TTC39B: variants seen among roughly 807,000 people sequenced by gnomAD.
The protein encoded by TTC39B is tetratricopeptide repeat domain 39B, also known as tetratricopeptide repeat protein 39B.
TTC39B carries 92 observed loss-of-function variants against 96.6 expected under a neutral mutation model. The ratio of observed to expected loss-of-function variants is 0.95; its 90% CI spans 0.80 to 1.13. TTC39B has a LOEUF of 1.13. TTC39B is among the 50% of genes most tolerant of loss of function. TTC39B has a pLI of 0.00. For missense variants in TTC39B, 955 were observed against 809.3 expected (o/e 1.18, Z -2.18); for synonymous variants, 367 against 299.4 (o/e 1.23, Z -2.33).
intron 6 of TTC39B, among the ~76,000 whole-genome samples, chr9:15,208,160 G>A (rs1819984905): frequency 6.6e-6 from 1 of 151,388 alleles, no homozygotes; most frequent in African/African-American, 2.4e-5. Flanking sequence ...GAGAAGCTGG[G>A]ACTATAGGTG....
intron 2 of TTC39B, among the ~76,000 whole-genome samples, chr9:15,265,077 T>C (rs1219282446): frequency 6.6e-6 from 1 of 152,200 alleles, no homozygotes; most frequent in East Asian, 1.9e-4. Flanking sequence ...ACCTAACAAA[T>C]GGTGCTGGAA....
intron 6 of TTC39B, among the ~76,000 whole-genome samples, chr9:15,204,980 T>A (rs991816504): frequency 3.9e-5 from 6 of 152,304 alleles, no homozygotes; most frequent in African/African-American, 1.4e-4. Flanking sequence ...TCTTGCTCTA[T>A]CCATGGGATG....
At chr9:15,182,065 A>T (rs956653084) in intron 17 of TTC39B, among the ~76,000 whole-genome samples, 7 of 152,194 alleles carry the variant, frequency 4.6e-5, no homozygotes, top group Non-Finnish European at 1.0e-4. Context: ...ATCATATAAT[A>T]TGTGGTCTTT....
intron 2 of TTC39B, among the ~76,000 whole-genome samples, chr9:15,257,871 C>G (rs1193649074): frequency 1.3e-5 from 2 of 151,972 alleles, no homozygotes; most frequent in Non-Finnish European, 2.9e-5. Context: ...ACCAGCCTGA[C>G]TAACATGGAG....
At chr9:15,195,670 C>CAA (rs35318510) in intron 8 of TTC39B, among the ~76,000 whole-genome samples, 4,377 of 63,794 alleles carry the variant, frequency 0.069, 129 homozygotes, top group Non-Finnish European at 0.089. Flanking sequence ...ACTCCATCTC[C>CAA]AAAAAAAAAA....
At chr9:15,293,926 T>C (rs2131607479) in intron 1 of TTC39B, among the ~76,000 whole-genome samples, 1 of 152,308 alleles carries the variant, frequency 6.6e-6, no homozygotes, top group East Asian at 1.9e-4. Flanking sequence ...ACTTCCGTTT[T>C]CTGCACGTCA....
intron 1 of TTC39B, among the ~76,000 whole-genome samples, chr9:15,289,613 C>T (rs1393301170): frequency 6.6e-6 from 1 of 152,192 alleles, no homozygotes; most frequent in Non-Finnish European, 1.5e-5. Flanking sequence ...CTCTCTCGCA[C>T]ATGTCTTGCT....
chr9:15,222,565 C>T (rs983383575), intron 3 of TTC39B, among the ~76,000 whole-genome samples: 1 of 152,176 alleles, frequency 6.6e-6, no homozygotes, highest in Non-Finnish European at 1.5e-5. Flanking sequence ...TTGGACAACT[C>T]ATCCCACTAA....
intron 17 of TTC39B, among the ~76,000 whole-genome samples, chr9:15,178,227 A>G (rs1818063433): frequency 6.6e-6 from 1 of 152,110 alleles, no homozygotes; most frequent in Non-Finnish European, 1.5e-5. Context: ...CAAATAAGGA[A>G]AACTTTTTAG....
chr9:15,187,282 G>C (rs1015487387), intron 14 of TTC39B, among the ~76,000 whole-genome samples: 1 of 152,088 alleles, frequency 6.6e-6, no homozygotes, highest in East Asian at 1.9e-4. Flanking sequence ...GAATGAACAA[G>C]AAAAAATTAT....
At chr9:15,277,100 G>C (rs1287512647) in intron 1 of TTC39B, among the ~76,000 whole-genome samples, 1 of 152,174 alleles carries the variant, frequency 6.6e-6, no homozygotes, top group Non-Finnish European at 1.5e-5. Flanking sequence ...TTCACTCCCA[G>C]ACCTTTCTTA....
At chr9:15,189,738 T>C in exon 12 of TTC39B, 1 of 1,613,932 alleles carries the variant, frequency 6.2e-7, no homozygotes, top group South Asian at 1.1e-5. Flanking sequence ...TGGAAACTGC[T>C]GGAGGAAGGG....
chr9:15,188,361 G>A (rs1249594965), intron 13 of TTC39B, among the ~76,000 whole-genome samples: 1 of 152,104 alleles, frequency 6.6e-6, no homozygotes, highest in African/African-American at 2.4e-5. Context: ...GGAGTGGGGA[G>A]GTTCCATTCC....
chr9:15,195,175 CT>C (rs1819083424), intron 8 of TTC39B, among the ~76,000 whole-genome samples: 1 of 152,168 alleles, frequency 6.6e-6, no homozygotes, highest in Admixed American at 6.5e-5. Flanking sequence ...CAAAACAGCC[CT>C]GTTGCTGATA....
Position 15,186,962 on chromosome 9 carries a change from T to C in TTC39B, c.1469A>G (p.Asn490Ser), listed in dbSNP as rs1287444625. 6.2e-6 allele frequency: 10 copies of C among 1,613,630 alleles called. No individual in the cohort carries two copies. The highest frequency in any genetic ancestry group is 2.7e-5 in the African/African-American group (2 of 74,902). The change falls in exon 15 of 20, where the codon AAT becomes AGT. Residue 490 changes from asparagine (N) to serine (S), a missense_variant. Physicochemically the swap from Asn to Ser is conservative, Grantham distance 46. Transcript: ENST00000512701. ...CACATACCTGAATAAAGTTACCACA[T>C]TCTCATTCGTTGCTACTACATCCTC...
chr9:15,202,786 ATTTC>A (rs1020963926), intron 7 of TTC39B, among the ~76,000 whole-genome samples: 3 of 151,884 alleles, frequency 2.0e-5, no homozygotes, highest in African/African-American at 4.8e-5. Flanking sequence ...TCACAGCTGA[ATTTC>A]TTTCTGATTT....
At chr9:15,247,524 C>T (rs1221059284) in intron 2 of TTC39B, among the ~76,000 whole-genome samples, 1 of 152,132 alleles carries the variant, frequency 6.6e-6, no homozygotes, top group Non-Finnish European at 1.5e-5. Flanking sequence ...TAGGGAATTG[C>T]TGATGTTGGT....
chr9:15,237,761 T>C (rs547059692), intron 2 of TTC39B, among the ~76,000 whole-genome samples: 1 of 151,798 alleles, frequency 6.6e-6, no homozygotes, highest in South Asian at 2.1e-4. Context: ...TACAAAAAAT[T>C]TGAGGAGGTG....
Position 15,166,997 on chromosome 9 carries a change from TATATATATATATATATATATATATATA to T in TTC39B, c.*4995_*5021del, listed in dbSNP as rs1564299682. On this transcript the variant is annotated 3_prime_UTR_variant, in exon 20 of 20. Transcript: ENST00000512701. ...AACCTTTATTTTATATATATATATA[TATATATATATATATATATATATATATA>T]TATATTTTTTTTTTTTTTTTTTTTT... 4.7e-3 allele frequency: 26 copies of T among 5,560 alleles called. 2 individuals are homozygous for T. The highest frequency in any genetic ancestry group is 0.013 in the African/African-American group (17 of 1,292). 0.3% of individuals were successfully genotyped at this position (5,560 alleles called of 1,614,324 possible).
Sources: allele counts gnomAD v4.1 joint callset (sites outside exome capture counted in the v4.1 genomes callset), GRCh38; gene constraint gnomAD v4.1.1; transcripts MANE v1.5; gene names NCBI Gene and HGNC (gene_info 2026-07-23, HGNC 2026-07-21).